The following PRCC variants were observed in gnomAD, a reference collection of about 807,000 sequenced individuals.
PRCC encodes proline-rich protein PRCC.
In PRCC, 10 loss-of-function variants were observed where a neutral mutation model predicts 44.0. The observed-to-expected ratio is 0.23, with a 90% CI of 0.14 to 0.39. The LOEUF is 0.39. Among genes scored for constraint, PRCC ranks in the 10% least tolerant of loss-of-function variants. PRCC has a pLI of 1.00. For synonymous variants in PRCC, 278 were observed against 259.5 expected (o/e 1.07, Z -0.69); for missense variants, 573 against 624.7 (o/e 0.92, Z 0.88).
intron 1 of PRCC, among the ~76,000 whole-genome samples, chr1:156,781,056 G>T (rs1652031897): frequency 6.6e-6 from 1 of 152,002 alleles, no homozygotes; most frequent in Non-Finnish European, 1.5e-5. Flanking sequence ...CAGTGATTTG[G>T]GTACTTATTC....
chr1:156,799,991 C>T (rs1031511599), intron 6 of PRCC, among the ~76,000 whole-genome samples: 6 of 152,174 alleles, frequency 3.9e-5, no homozygotes, highest in African/African-American at 1.4e-4. Context: ...CTGTCCTCTC[C>T]TACTCTGCCG....
At chr1:156,769,321 A>G (rs1349642761) in intron 1 of PRCC, among the ~76,000 whole-genome samples, 1 of 151,952 alleles carries the variant, frequency 6.6e-6, no homozygotes, top group African/African-American at 2.4e-5. Context: ...GCAACCTCCT[A>G]TCACCTCCTC....
chr1:156,788,635 G>A (rs1422812940), intron 3 of PRCC, among the ~76,000 whole-genome samples: 1 of 148,046 alleles, frequency 6.8e-6, no homozygotes, highest in Non-Finnish European at 1.5e-5. Context: ...AAGTGTTCTC[G>A]TTTCTCCACA....
chr1:156,791,000 G>A, intron 3 of PRCC: 1 of 853,194 alleles, frequency 1.2e-6, no homozygotes, highest in Non-Finnish European at 1.8e-6. Context: ...CAGTTTATTG[G>A]CCCTGTGGCT....
intron 4 of PRCC, 92 bp downstream of exon 4, chr1:156,791,884 CAAA>C: frequency 2.6e-6 from 3 of 1,141,234 alleles, no homozygotes; most frequent in African/African-American, 1.5e-5. Context: ...CACACACACA[CAAA>C]AGACAAAACT....
chr1:156,773,918 A>G (rs1267896585), intron 1 of PRCC, among the ~76,000 whole-genome samples: 1 of 152,204 alleles, frequency 6.6e-6, no homozygotes, highest in African/African-American at 2.4e-5. Flanking sequence ...TTCAACCTGA[A>G]AAAGGAATGA....
intron 3 of PRCC, among the ~76,000 whole-genome samples, chr1:156,787,666 T>TTTTTTTTTTTTTTG (rs1558052144): frequency 2.0e-5 from 1 of 49,434 alleles, no homozygotes; most frequent in East Asian, 6.7e-4. Context: ...TTTTTTTTTT[T>TTTTTTTTTTTTTTG]GGAGAAGGAA....
In PRCC at chr1:156,791,886, A is replaced by G. The variant is rs534431436; in HGVS notation, c.1179+94A>G. ...GAAATTAAAAAAACACACACACACAAAAGACAAAACTGTATCAGGATTAGG... is the reference window on the plus strand; with the variant it reads ...GAAATTAAAAAAACACACACACACAGAAGACAAAACTGTATCAGGATTAGG... On this transcript the variant is annotated intron_variant, in intron 4 of 6. Transcript: ENST00000271526. 39 of 1,155,532 alleles carry G rather than the reference A, an allele frequency of 3.4e-5. No individual in the cohort carries two copies. The East Asian group carries it at 9.0e-4, about 27-fold the overall frequency. 71.6% of individuals were successfully genotyped at this position (1,155,532 alleles called of 1,614,324 possible).
At chr1:156,794,950 TG>T in intron 5 of PRCC, 142 bp downstream of exon 5, 1 of 1,038,506 alleles carries the variant, frequency 9.6e-7, no homozygotes. Flanking sequence ...TACTGGAGTA[TG>T]CACTAAACCT....
chr1:156,794,837 A>G, intron 5 of PRCC, 29 bp downstream of exon 5: 1 of 1,612,034 alleles, frequency 6.2e-7, no homozygotes, highest in Non-Finnish European at 8.5e-7. Flanking sequence ...TTGAGTGGTC[A>G]GCTTGGGAAG....
At chr1:156,785,326 A>G (rs1292224496) in intron 2 of PRCC, among the ~76,000 whole-genome samples, 5 of 152,094 alleles carry the variant, frequency 3.3e-5, no homozygotes, top group African/African-American at 1.2e-4. Flanking sequence ...CCTGGCCAAG[A>G]TGGTAAAACC....
At chr1:156,791,317 A>T (rs1652465976) in intron 3 of PRCC, 5 of 536,402 alleles carry the variant, frequency 9.3e-6, no homozygotes, top group Non-Finnish European at 1.7e-5. Flanking sequence ...CTCGCATCGT[A>T]GCTCATTGGG....
At chr1:156,774,359 G>A (rs1651744515) in intron 1 of PRCC, among the ~76,000 whole-genome samples, 1 of 151,726 alleles carries the variant, frequency 6.6e-6, no homozygotes, top group African/African-American at 2.4e-5. Flanking sequence ...ATCTTTAGTA[G>A]AGACGGGGTT....
intron 1 of PRCC, among the ~76,000 whole-genome samples, chr1:156,778,472 G>A (rs1172049101): frequency 6.6e-6 from 1 of 151,982 alleles, no homozygotes; most frequent in East Asian, 1.9e-4. Context: ...TGGCTACTGT[G>A]AATAATGCTA....
In PRCC at chr1:156,794,543, G is replaced by A; in HGVS notation, c.1180-122G>A. The A allele has an allele frequency of 5.2e-5, 62 of 1,198,806 alleles. 1 individual carries two copies. The South Asian group carries it at 9.1e-4, about 18-fold the overall frequency. The allele number at this position is 1,198,806 out of a possible 1,614,324, so 74.3% of individuals were successfully genotyped here. A position where few individuals can be genotyped will look rare whatever the true frequency, so the allele number is the denominator to read the frequency against. Reference sequence around the variant, plus strand: ...GTAGATGGCAGGGTGAAAGGACGTAGAGAACTGAGGGTGCCTTGGGATTGG... The same window carrying A: ...GTAGATGGCAGGGTGAAAGGACGTAAAGAACTGAGGGTGCCTTGGGATTGG... On this transcript the variant is annotated intron_variant, in intron 4 of 6. Transcript: ENST00000271526.
At chr1:156,797,166 A>G in intron 5 of PRCC, 110 bp from the exon 6 acceptor site, 1 of 1,290,038 alleles carries the variant, frequency 7.8e-7, no homozygotes, top group Non-Finnish European at 1.1e-6. Flanking sequence ...CTCCCCCAGG[A>G]TTTGGGCTGT....
At chr1:156,788,060 T>C (rs1452672657) in intron 3 of PRCC, among the ~76,000 whole-genome samples, 2 of 152,170 alleles carry the variant, frequency 1.3e-5, no homozygotes, top group East Asian at 3.8e-4. Context: ...GGTCTCAAAC[T>C]TCTGGCCTTA....
chr1:156,783,562 A>G (rs1357643631), intron 2 of PRCC, among the ~76,000 whole-genome samples: 1 of 152,118 alleles, frequency 6.6e-6, no homozygotes, highest in Non-Finnish European at 1.5e-5. Context: ...CCTGGCCAAC[A>G]TGGTGAAACC....
Position 156,786,747 on chromosome 1 carries a change from G to C in PRCC, c.656G>C (p.Arg219Thr), listed in dbSNP as rs377117820. 2.5e-6 allele frequency: 4 copies of C among 1,614,186 alleles called. No individual in the cohort carries two copies. The highest frequency in any genetic ancestry group is 3.4e-6 in the Non-Finnish European group (4 of 1,180,036). ...GGCTCCCCTGATACTAAGCCCTCCA[G>C]ACTGGCTTCTAAGACCAAGACTTCC... is the stretch of plus-strand genomic sequence containing the variant. The part of the protein sequence containing the change: ...SDGSPDTKPS[R>T]LASKTKTSSL... The change falls in exon 3 of 7, where the codon AGA becomes ACA. Residue 219 changes from arginine to threonine, a missense_variant. Physicochemically the swap from Arg to Thr is moderately conservative, Grantham distance 71. Around this residue, in one of 4 missense-constraint regions of PRCC, gnomAD observed 118 missense variants for 166.7 expected, o/e 0.71. Transcript: ENST00000271526.
Sources: allele counts gnomAD v4.1 joint callset (sites outside exome capture counted in the v4.1 genomes callset), GRCh38; gene constraint gnomAD v4.1.1; regional missense constraint gnomAD v4.1.1; transcripts MANE v1.5; gene names NCBI Gene and HGNC (gene_info 2026-07-23, HGNC 2026-07-21).